Variants in DHX57 observed in about 807,000 individuals in gnomAD.
The protein encoded by DHX57 is DExH-box helicase 57.
Under a neutral mutation model 156.2 loss-of-function variants are expected in DHX57, and 105 were observed. That is an observed-to-expected ratio of 0.67 (90% CI 0.57 to 0.79). DHX57 has a LOEUF of 0.79. DHX57 is among the 30% of genes least tolerant of loss of function. The probability of loss-of-function intolerance (pLI) is 0.00; values close to 1 mark genes in which losing one functional copy is unlikely to be tolerated. For missense variants in DHX57, 1,847 were observed against 1,661.9 expected (o/e 1.11, Z -1.94); for synonymous variants, 704 against 595.6 (o/e 1.18, Z -2.65).
At chr2:38,853,148 TG>T in intron 9 of DHX57, 1 of 152,822 alleles carries the variant, frequency 6.5e-6, no homozygotes, top group Non-Finnish European at 1.4e-5. Flanking sequence ...CTCAACCTCC[TG>T]GGGGCTCAAT....
At chr2:38,837,139 G>A (rs1262424038) in intron 13 of DHX57, among the ~76,000 whole-genome samples, 3 of 152,124 alleles carry the variant, frequency 2.0e-5, no homozygotes, top group Non-Finnish European at 4.4e-5. Flanking sequence ...GTGAGCCATT[G>A]CACCTGGCAT....
chr2:38,861,558 T>C lies in DHX57; in HGVS notation c.852A>G (p.Arg284=), dbSNP rs200944825. The C allele has an allele frequency of 1.9e-6, 3 of 1,614,210 alleles. No homozygotes were observed. The highest frequency in any genetic ancestry group is 1.7e-5 in the Admixed American group (1 of 60,022). ...IGLELEYLTS[R]FRKSKPKEST... ...TTTCTTTTGGCTTGGATTTGCGGAATCTACTTGTCAGATACTCCAGTTCTA... is the reference window on the plus strand; with the variant it reads ...TTTCTTTTGGCTTGGATTTGCGGAACCTACTTGTCAGATACTCCAGTTCTA... The change falls in exon 5 of 24, where the codon AGA becomes AGG. Residue 284 remains arginine, a synonymous_variant. Coordinates refer to ENST00000457308, the MANE Select transcript of DHX57 (RefSeq NM_198963.3).
intron 5 of DHX57, among the ~76,000 whole-genome samples, chr2:38,860,513 C>T (rs1673139251): frequency 6.6e-6 from 1 of 151,978 alleles, no homozygotes; most frequent in South Asian, 2.1e-4. Flanking sequence ...TAGAAGCCTG[C>T]ACAAGTATTT....
At chr2:38,851,721 T>A (rs1437579976) in intron 9 of DHX57, among the ~76,000 whole-genome samples, 1 of 152,228 alleles carries the variant, frequency 6.6e-6, no homozygotes, top group Non-Finnish European at 1.5e-5. Flanking sequence ...TGTTATAGAA[T>A]CCAAAGCTAC....
At chr2:38,804,382 CA>C (rs763189613) in intron 22 of DHX57, among the ~76,000 whole-genome samples, 26 of 152,168 alleles carry the variant, frequency 1.7e-4, no homozygotes, top group Non-Finnish European at 2.8e-4. Context: ...CCCAGCTACT[CA>C]GGGGGCTGAG....
intron 7 of DHX57, 146 bp downstream of exon 7, chr2:38,856,194 G>C (rs1353096580): frequency 1.8e-6 from 2 of 1,118,776 alleles, no homozygotes; most frequent in Non-Finnish European, 2.4e-6. Context: ...TCTTCAGCTG[G>C]ATTTTTTTGC....
chr2:38,826,126 G>T, intron 15 of DHX57, 79 bp from the exon 16 acceptor site: 2 of 1,415,006 alleles, frequency 1.4e-6, no homozygotes, highest in Non-Finnish European at 1.9e-6. Flanking sequence ...CAGAATAGAT[G>T]AACCAGCTTC....
chr2:38,828,661 T>G (rs1671230414), intron 13 of DHX57, among the ~76,000 whole-genome samples: 1 of 151,642 alleles, frequency 6.6e-6, no homozygotes, highest in Non-Finnish European at 1.5e-5. Context: ...AGGCGGAGTT[T>G]GCGGTAAGCC....
intron 13 of DHX57, among the ~76,000 whole-genome samples, chr2:38,835,501 T>C (rs2124849326): frequency 6.6e-6 from 1 of 152,330 alleles, no homozygotes; most frequent in East Asian, 1.9e-4. Flanking sequence ...CTTTTCATAC[T>C]GGACAGTGCC....
chr2:38,844,020 G>T, intron 11 of DHX57, among the ~76,000 whole-genome samples: 1 of 152,052 alleles, frequency 6.6e-6, no homozygotes, highest in Admixed American at 6.6e-5. Context: ...GATTTCATTT[G>T]CATAAAGTGT....
At chr2:38,815,452 T>G in intron 20 of DHX57, 69 bp downstream of exon 20, 1 of 1,592,174 alleles carries the variant, frequency 6.3e-7, no homozygotes, top group South Asian at 1.1e-5. Flanking sequence ...TGTCTACAAG[T>G]GTTCCCAGGT....
At chr2:38,855,363 T>C in intron 7 of DHX57, 111 bp from the exon 8 acceptor site, 1 of 1,217,470 alleles carries the variant, frequency 8.2e-7, no homozygotes, top group East Asian at 2.5e-5. Context: ...ATAAAAGTTG[T>C]TCAGTTTCAG....
At chr2:38,861,979 A>G (rs757346031) in intron 4 of DHX57, 142 bp from the exon 5 acceptor site, 10 of 1,226,832 alleles carry the variant, frequency 8.2e-6, no homozygotes, top group Non-Finnish European at 1.0e-5. Flanking sequence ...CCCTGATAAC[A>G]ATAAGCCCCC....
At chr2:38,864,172 C>G (rs763008546) in intron 2 of DHX57, among the ~76,000 whole-genome samples, 1 of 151,252 alleles carries the variant, frequency 6.6e-6, no homozygotes, top group Non-Finnish European at 1.5e-5. Flanking sequence ...CTGAAAACCA[C>G]TGAGTTTCAT....
At chr2:38,816,021 C>G (rs567165719) in intron 19 of DHX57, 82 of 410,978 alleles carry the variant, frequency 2.0e-4, no homozygotes, top group South Asian at 1.5e-3. Flanking sequence ...AATTCCAACT[C>G]CAAGTGCTGC....
chr2:38,823,063 A>G lies in DHX57; in HGVS notation c.3221T>C (p.Phe1074Ser), dbSNP rs1358789439. Residue 1074 changes from phenylalanine (F) to serine (S), a missense_variant, in exon 17 of 24, where the codon TTT becomes TCT. Coordinates refer to ENST00000457308, the MANE Select transcript of DHX57 (RefSeq NM_198963.3). The part of the protein sequence containing the change: ...VDVRIGKLML[F>S]GSIFRCLDPA... ...ATCCAAACAGCGGAAGATAGACCCA[A>G]ACAACATTAGTTTGCCAATTCTCAC... is the stretch of plus-strand genomic sequence containing the variant. The G allele has an allele frequency of 2.5e-6, 4 of 1,614,200 alleles. No individual in the cohort carries two copies. Among genetic ancestry groups the G allele is most frequent in the East Asian group, 4.5e-5 (2 of 44,884 alleles).
chr2:38,818,450 C>A (rs567547904), intron 19 of DHX57, among the ~76,000 whole-genome samples: 5 of 152,158 alleles, frequency 3.3e-5, no homozygotes, highest in Non-Finnish European at 5.9e-5. Flanking sequence ...TCACTTGACC[C>A]TGGGAGGCGG....
chr2:38,861,393 A>T lies in DHX57; in HGVS notation c.1017T>A (p.Asp339Glu). 6.2e-7 allele frequency: 1 copy of T among 1,614,084 alleles called. No homozygotes were observed. Residue 339 changes from aspartate to glutamate, a missense_variant, in exon 5 of 24, where the codon GAT (aspartate) becomes GAA (glutamate). By Grantham distance (45) the Asp-to-Glu change is conservative. Coordinates refer to ENST00000457308, the MANE Select transcript of DHX57 (RefSeq NM_198963.3). ...QIVGRIERSV[D>E]DSHLNAIEDA... ...CTTCAATAGCATTAAGATGAGAATC[A>T]TCTACACTTCTTTCTATTCTTCCAA...
intron 15 of DHX57, 56 bp from the exon 16 acceptor site, chr2:38,826,103 T>A (rs1256448250): frequency 2.0e-6 from 3 of 1,536,702 alleles, no homozygotes; most frequent in Non-Finnish European, 2.7e-6. Flanking sequence ...TGGCCAAGAC[T>A]GCTTGCTATG....
Sources: gnomAD v4.1 joint callset for allele counts (sites outside exome capture counted in the v4.1 genomes callset) on GRCh38, gnomAD v4.1.1 for gene constraint, MANE v1.5 for transcripts, NCBI Gene and HGNC (gene_info 2026-07-23, HGNC 2026-07-21) for gene names.